Variants in PRCP observed in about 807,000 individuals in gnomAD.
The protein encoded by PRCP is prolylcarboxypeptidase.
In PRCP, 46 loss-of-function variants were observed where a neutral mutation model predicts 54.2. The ratio of observed to expected loss-of-function variants is 0.85; its 90% CI spans 0.67 to 1.09. The LOEUF (loss-of-function observed/expected upper bound fraction) is 1.09. PRCP is among the 50% of genes least tolerant of loss of function. The pLI, the probability that PRCP is intolerant of heterozygous loss-of-function variation, is 0.00. For synonymous variants in PRCP, 240 were observed against 212.2 expected (o/e 1.13, Z -1.14); for missense variants, 613 against 596.8 (o/e 1.03, Z -0.28).
intron 1 of PRCP, 177 bp downstream of exon 1, chr11:82,900,058 G>T (rs1860225337): frequency 2.5e-6 from 2 of 796,330 alleles, no homozygotes; most frequent in Non-Finnish European, 3.9e-6. Context: ...AATGGGAGGA[G>T]AAAATTTAAA....
intron 1 of PRCP, among the ~76,000 whole-genome samples, chr11:82,894,977 C>A (rs1860085534): frequency 6.6e-6 from 1 of 151,960 alleles, no homozygotes; most frequent in African/African-American, 2.4e-5. Flanking sequence ...TGATTTTAAG[C>A]AAGAAAAAAG....
intron 1 of PRCP, among the ~76,000 whole-genome samples, chr11:82,870,535 A>G (rs1161136108): frequency 6.6e-6 from 1 of 152,216 alleles, no homozygotes; most frequent in Admixed American, 6.5e-5. Context: ...AAAGGATTCT[A>G]GTTAAAATGC....
intron 1 of PRCP, among the ~76,000 whole-genome samples, chr11:82,884,263 A>C (rs932947292): frequency 2.0e-5 from 3 of 152,200 alleles, no homozygotes; most frequent in Non-Finnish European, 2.9e-5. Context: ...AAAACTTATC[A>C]AAAATATCAT....
intron 8 of PRCP, chr11:82,835,465 G>A (rs149800141): frequency 2.2e-4 from 46 of 211,242 alleles, no homozygotes; most frequent in Admixed American, 6.4e-4. Flanking sequence ...CCTGGGGCTG[G>A]GCTGTCCGAG....
intron 1 of PRCP, among the ~76,000 whole-genome samples, chr11:82,893,434 G>C (rs1860046779): frequency 6.6e-6 from 1 of 152,178 alleles, no homozygotes; most frequent in East Asian, 1.9e-4. Context: ...TTTAATTTCA[G>C]AAAAACAAAA....
chr11:82,844,960 T>C (rs1858770721), intron 6 of PRCP, among the ~76,000 whole-genome samples: 1 of 152,028 alleles, frequency 6.6e-6, no homozygotes. Flanking sequence ...TTTCTAGGTT[T>C]ATTTGTTTTG....
At chr11:82,869,639 A>C (rs1859431361) in intron 1 of PRCP, among the ~76,000 whole-genome samples, 3 of 152,258 alleles carry the variant, frequency 2.0e-5, no homozygotes, top group Admixed American at 6.5e-5. Flanking sequence ...TGACTGGAAT[A>C]AGGCCTGGCA....
At chr11:82,897,406 C>T (rs1281813411) in intron 1 of PRCP, among the ~76,000 whole-genome samples, 6 of 152,170 alleles carry the variant, frequency 3.9e-5, no homozygotes, top group Non-Finnish European at 5.9e-5. Flanking sequence ...GTGCTTTATA[C>T]TTTTTTATAG....
intron 7 of PRCP, 102 bp downstream of exon 7, chr11:82,839,159 A>G (rs1858598769): frequency 7.9e-7 from 1 of 1,263,722 alleles, no homozygotes. Context: ...CCAAAACTGG[A>G]TCCAGGTTAG....
At chr11:82,890,165 T>G (rs1859970413) in intron 1 of PRCP, among the ~76,000 whole-genome samples, 2 of 152,346 alleles carry the variant, frequency 1.3e-5, no homozygotes, top group South Asian at 4.1e-4. Flanking sequence ...ACATAACAGT[T>G]ACATCAAATG....
At chr11:82,880,309 C>T (rs961413780) in intron 1 of PRCP, among the ~76,000 whole-genome samples, 11 of 152,208 alleles carry the variant, frequency 7.2e-5, no homozygotes, top group East Asian at 3.8e-4. Context: ...TAGCAGTGAG[C>T]GAGGCTCTGT....
At chr11:82,868,781 T>A (rs1859402344) in intron 1 of PRCP, among the ~76,000 whole-genome samples, 1 of 152,150 alleles carries the variant, frequency 6.6e-6, no homozygotes, top group African/African-American at 2.4e-5. Flanking sequence ...ACACCTTTAA[T>A]CCCAGCGCTT....
At chr11:82,835,884 A>T (rs752988716) in intron 8 of PRCP, 109 of 455,204 alleles carry the variant, frequency 2.4e-4, no homozygotes, top group South Asian at 6.2e-4. Flanking sequence ...ATCCCAGATG[A>T]GGATGGAATA....
Position 82,839,403 on chromosome 11 carries a change from T to G in PRCP, c.944A>C (p.Asn315Thr), listed in dbSNP as rs778145256. The change falls in exon 7 of 9, where the codon AAT becomes ACT. Residue 315 changes from asparagine (N) to threonine (T), a missense_variant. Physicochemically the swap from Asn to Thr is moderately conservative, Grantham distance 65 (BLOSUM62 0). Transcript: ENST00000313010. ...PIKVVCQYLKNPNVSDSLLLQ... is the reference protein window; with the variant it reads ...PIKVVCQYLKTPNVSDSLLLQ... ...CAGCAGTGAATCAGATACATTGGGA[T>G]TTTTCAAATACTGGCACACTACCTG... The G allele has an allele frequency of 1.9e-6, 3 of 1,612,728 alleles. No homozygotes were observed. The highest frequency in any genetic ancestry group is 2.2e-5 in the South Asian group (2 of 90,930).
chr11:82,864,944 A>G (rs1343089501), intron 1 of PRCP, among the ~76,000 whole-genome samples: 1 of 148,156 alleles, frequency 6.7e-6, no homozygotes, highest in Non-Finnish European at 1.5e-5. Flanking sequence ...TACATCTGTT[A>G]GTTTTGATGG....
Position 82,850,384 on chromosome 11 carries a change from C to A in PRCP, c.533G>T (p.Gly178Val), listed in dbSNP as rs761895813. ...AENQPVIAIG[G>V]SYGGMLAAWF... Reference sequence around the variant, plus strand: ...GGCGGCAAGCATGCCACCATAGGAGCCTCCTATGGCAATGACAGGTTGATT... The same window carrying A: ...GGCGGCAAGCATGCCACCATAGGAGACTCCTATGGCAATGACAGGTTGATT... Residue 178 changes from glycine to valine, a missense_variant, in exon 4 of 9, where the codon GGC becomes GTC. Gly to Val is a moderately radical substitution (Grantham distance 109). Transcript: ENST00000313010. 6.9e-6 allele frequency: 11 copies of A among 1,596,912 alleles called. No homozygotes were observed. Among genetic ancestry groups the A allele is most frequent in the Middle Eastern group, 1.7e-4 (1 of 6,000 alleles).
chr11:82,850,588 G>A, intron 3 of PRCP, 83 bp from the exon 4 acceptor site: 3 of 1,106,584 alleles, frequency 2.7e-6, no homozygotes, highest in Non-Finnish European at 3.6e-6. Context: ...AAGAGAGCCA[G>A]TGTCAGATAA....
chr11:82,868,408 A>T (rs948749156), intron 1 of PRCP, among the ~76,000 whole-genome samples: 4 of 152,200 alleles, frequency 2.6e-5, no homozygotes, highest in Middle Eastern at 3.2e-3. Context: ...ATACAATTCC[A>T]TTTCTCAAGT....
chr11:82,880,634 T>C (rs1018158811), intron 1 of PRCP, among the ~76,000 whole-genome samples: 5 of 152,204 alleles, frequency 3.3e-5, no homozygotes. Context: ...ACTGGAGCTG[T>C]TCCTATTCGG....
Sources: gnomAD v4.1 joint callset for allele counts (sites outside exome capture counted in the v4.1 genomes callset) on GRCh38, gnomAD v4.1.1 for gene constraint, MANE v1.5 for transcripts, NCBI Gene and HGNC (gene_info 2026-07-23, HGNC 2026-07-21) for gene names.